Variants in ASRGL1 observed in about 807,000 individuals in gnomAD.
The protein encoded by ASRGL1 is isoaspartyl peptidase/L-asparaginase.
Under a neutral mutation model 22.4 loss-of-function variants are expected in ASRGL1, and 16 were observed. That is an observed-to-expected ratio of 0.71 (90% CI 0.48 to 1.08). The LOEUF (loss-of-function observed/expected upper bound fraction) is 1.08, where lower values mean the gene tolerates loss of function less well. Ranked by LOEUF, ASRGL1 falls within the 50% of genes least tolerant of loss-of-function variation. The pLI is 0.00. For synonymous variants in ASRGL1, 165 were observed against 159.3 expected (o/e 1.04, Z -0.27); for missense variants, 412 against 410.1 (o/e 1.00, Z -0.04).
intron 4 of ASRGL1, among the ~76,000 whole-genome samples, chr11:62,362,638 TAA>T (rs1946490235): frequency 3.5e-4 from 8 of 22,694 alleles, no homozygotes; most frequent in Admixed American, 7.3e-4. Context: ...AAAATATATA[TAA>T]TATATAATAT....
At position 62,375,633 on chromosome 11, in the gene ASRGL1, G is replaced by T. The variant is rs575467232; in HGVS notation, c.492-13500G>T. The stretch of plus-strand genomic sequence containing the variant: ...CATCATTCCTTCTTCCTCAGGTTTG[G>T]CAGGGCAACGATCATCTGTGGGGCC... On this transcript the variant is annotated intron_variant, in intron 4 of 6. Coordinates refer to ENST00000415229, the MANE Select transcript of ASRGL1 (RefSeq NM_001083926.2). Among the ~76,000 whole-genome samples the T allele has an allele frequency of 1.7e-3, 265 of 151,456 alleles. 2 individuals carry two copies. The highest frequency in any genetic ancestry group is 6.2e-3 in the African/African-American group (255 of 41,212).
chr11:62,377,089 G>A (rs1218988823), intron 4 of ASRGL1, among the ~76,000 whole-genome samples: 1 of 152,114 alleles, frequency 6.6e-6, no homozygotes, highest in Non-Finnish European at 1.5e-5. Flanking sequence ...AATATTTTTT[G>A]CCTGTTTCCA....
rs1025913673 is a variant in ASRGL1, at chr11:62,371,136, G to A, written c.491+13992G>A. On this transcript the variant is annotated intron_variant, in intron 4 of 6. Transcript: ENST00000415229. Reference sequence around the variant, plus strand: ...CATCACTCCAACCAGCCGCAACCATGCCCAGGAAGAAGGCGGCGGTGGCGG... The same window carrying A: ...CATCACTCCAACCAGCCGCAACCATACCCAGGAAGAAGGCGGCGGTGGCGG... 1.6e-5 allele frequency: 17 copies of A among 1,049,568 alleles called. No homozygotes were observed. The African/African-American group carries it at 2.0e-4, about 13-fold the overall frequency. 65.0% of individuals were successfully genotyped at this position (1,049,568 alleles called of 1,614,324 possible).
At chr11:62,361,556 C>A (rs1289175941) in intron 4 of ASRGL1, among the ~76,000 whole-genome samples, 1 of 143,296 alleles carries the variant, frequency 7.0e-6, no homozygotes, top group Non-Finnish European at 1.5e-5. Flanking sequence ...GGTACAATCT[C>A]GGCTCACTGC....
intron 4 of ASRGL1, 81 bp from the exon 5 acceptor site, chr11:62,389,052 A>C: frequency 4.2e-6 from 5 of 1,200,342 alleles, no homozygotes; most frequent in Non-Finnish European, 4.8e-6. Context: ...TGAAACTTTA[A>C]GTGGTTTTAA....
intron 2 of ASRGL1, among the ~76,000 whole-genome samples, chr11:62,353,134 C>T (rs150567116): frequency 1.3e-4 from 20 of 152,104 alleles, no homozygotes; most frequent in African/African-American, 4.6e-4. Context: ...AGGCCCTGTT[C>T]TGTTGTTCAG....
At chr11:62,391,800 G>T in intron 6 of ASRGL1, 168 bp downstream of exon 6, 1 of 879,342 alleles carries the variant, frequency 1.1e-6, no homozygotes, top group South Asian at 1.8e-5. Context: ...CTTAGGTCTG[G>T]AATGGTAGAG....
At chr11:62,356,949 CA>C in intron 3 of ASRGL1, 37 bp from the exon 4 acceptor site, 4 of 1,560,224 alleles carry the variant, frequency 2.6e-6, no homozygotes, top group Non-Finnish European at 3.4e-6. Context: ...TTAAAATTTT[CA>C]AAAAAACAAT....
At chr11:62,401,397 A>G in the ASRGL1 span, among the ~76,000 whole-genome samples, 1 of 152,192 alleles carries the variant, frequency 6.6e-6, no homozygotes, top group Non-Finnish European at 1.5e-5. Context: ...CTCCGGCACC[A>G]TGTGCAATAA....
At chr11:62,361,375 G>A (rs1946428585) in intron 4 of ASRGL1, among the ~76,000 whole-genome samples, 1 of 151,530 alleles carries the variant, frequency 6.6e-6, no homozygotes, top group East Asian at 1.9e-4. Flanking sequence ...TAGTAGAGAC[G>A]GGGTCTTGCC....
intron 2 of ASRGL1, among the ~76,000 whole-genome samples, chr11:62,347,307 T>C (rs762908657): frequency 2.6e-5 from 4 of 152,184 alleles, no homozygotes; most frequent in Non-Finnish European, 4.4e-5. Flanking sequence ...TTTCATGGCA[T>C]AGGCACAATT....
chr11:62,370,272 C>A (rs1220971995), intron 4 of ASRGL1, among the ~76,000 whole-genome samples: 1 of 152,120 alleles, frequency 6.6e-6, no homozygotes, highest in Non-Finnish European at 1.5e-5. Context: ...TGCAAGTAAA[C>A]AATCTGCAGT....
chr11:62,401,263 C>T, the ASRGL1 span, among the ~76,000 whole-genome samples: 5 of 152,332 alleles, frequency 3.3e-5, no homozygotes, highest in Admixed American at 2.6e-4. Context: ...GATGTGAGCC[C>T]GTATCATTGC....
intron 4 of ASRGL1, among the ~76,000 whole-genome samples, chr11:62,378,646 T>C (rs577211092): frequency 1.1e-3 from 162 of 152,302 alleles, no homozygotes; most frequent in Middle Eastern, 3.4e-3. Flanking sequence ...AATTACGGCA[T>C]TTACGGCTCT....
chr11:62,346,607 T>C (rs984441071), intron 2 of ASRGL1, among the ~76,000 whole-genome samples: 1 of 152,230 alleles, frequency 6.6e-6, no homozygotes, highest in African/African-American at 2.4e-5. Flanking sequence ...ACAGCCCCCA[T>C]GTCTCTTGCC....
chr11:62,363,299 G>A (rs1401160425), intron 4 of ASRGL1, among the ~76,000 whole-genome samples: 1 of 151,974 alleles, frequency 6.6e-6, no homozygotes, highest in Non-Finnish European at 1.5e-5. Context: ...CAACAAAAAT[G>A]ATGTTCCAAC....
At chr11:62,355,351 G>A (rs1307948734) in intron 2 of ASRGL1, among the ~76,000 whole-genome samples, 3 of 151,964 alleles carry the variant, frequency 2.0e-5, no homozygotes, top group Non-Finnish European at 2.9e-5. Context: ...TCAGCCTCCC[G>A]AGTAGCTGTG....
chr11:62,396,963 C>T (rs1947439112), downstream of ASRGL1, among the ~76,000 whole-genome samples: 1 of 152,166 alleles, frequency 6.6e-6, no homozygotes, highest in Admixed American at 6.5e-5. Flanking sequence ...CAGCAGCCAC[C>T]GGCCTCATGC....
chr11:62,376,601 A>T (rs1432504828), intron 4 of ASRGL1, among the ~76,000 whole-genome samples: 1 of 152,150 alleles, frequency 6.6e-6, no homozygotes, highest in Non-Finnish European at 1.5e-5. Context: ...TTTAAAGTAT[A>T]GAGTGCTAGA....
Sources: allele counts gnomAD v4.1 joint callset (sites outside exome capture counted in the v4.1 genomes callset), GRCh38; gene constraint gnomAD v4.1.1; transcripts MANE v1.5; gene names NCBI Gene and HGNC (gene_info 2026-07-23, HGNC 2026-07-21).